The following CACNG5 variants were observed in gnomAD, a reference collection of about 807,000 sequenced individuals.
The protein encoded by CACNG5 is calcium voltage-gated channel auxiliary subunit gamma 5.
CACNG5 carries 18 observed loss-of-function variants against 24.8 expected under a neutral mutation model. The ratio of observed to expected loss-of-function variants is 0.73; its 90% CI spans 0.50 to 1.08. CACNG5 has a LOEUF of 1.08. CACNG5 is among the 50% of genes least tolerant of loss of function. The pLI, the probability that CACNG5 is intolerant of heterozygous loss-of-function variation, is 0.00. For missense variants in CACNG5, 349 were observed against 367.9 expected, an observed-to-expected ratio of 0.95 and a Z score of 0.42; for synonymous variants, 157 against 149.1, an observed-to-expected ratio of 1.05 and a Z score of -0.39.
intron 1 of CACNG5, among the ~76,000 whole-genome samples, chr17:66,869,612 C>G (rs1976975042): frequency 6.6e-6 from 1 of 152,132 alleles, no homozygotes; most frequent in African/African-American, 2.4e-5. Context: ...ATTCACTCCC[C>G]CATGTAGCTG....
At position 66,857,065 on chromosome 17, in the gene CACNG5, G is replaced by GTTTT. The variant is rs56153121; in HGVS notation, c.-103-20144_-103-20141dup. 1.1e-3 allele frequency among the ~76,000 whole-genome samples: 107 copies of GTTTT among 94,044 alleles called. 1 individual carries two copies. Among genetic ancestry groups the GTTTT allele is most frequent in the Non-Finnish European group, 1.4e-3 (69 of 49,862 alleles). 61.7% of individuals were successfully genotyped at this position (94,044 alleles called of 152,430 possible). A position where few individuals can be genotyped will look rare whatever the true frequency, so the allele number is the denominator to read the frequency against. On this transcript the variant is annotated intron_variant, in intron 1 of 5. Transcript: ENST00000533854. ...AACACATTTTTATTTCAATTTTTAA[G>GTTTT]TTTTTTTTTTTTTTTTTTTTTTTTG...
intron 1 of CACNG5, among the ~76,000 whole-genome samples, chr17:66,838,414 G>T (rs1976513525): frequency 6.6e-6 from 1 of 151,340 alleles, no homozygotes; most frequent in South Asian, 2.1e-4. Flanking sequence ...GCAAGCAGAA[G>T]GGGGGACAGA....
chr17:66,858,998 C>T (rs886668910), intron 1 of CACNG5, among the ~76,000 whole-genome samples: 49 of 152,186 alleles, frequency 3.2e-4, no homozygotes, highest in Admixed American at 2.7e-3. Flanking sequence ...AAGCGATGGC[C>T]TTTGCTGTGG....
In CACNG5 at chr17:66,890,260, G is replaced by A. The variant is rs1242922222; in HGVS notation, c.*5020G>A. 6.6e-6 allele frequency among the ~76,000 whole-genome samples: 1 copy of A among 152,220 alleles called. No homozygotes were observed. The highest frequency in any genetic ancestry group is 1.5e-5 in the Non-Finnish European group (1 of 68,034). On this transcript the variant is annotated 3_prime_UTR_variant, in exon 6 of 6. Transcript: ENST00000533854. Reference sequence around the variant, plus strand: ...GTGGCTGCTCCAGTGTGCCATAGAAGAGACGAGGCTCAGTGGTCACCACTA... The same window carrying A: ...GTGGCTGCTCCAGTGTGCCATAGAAAAGACGAGGCTCAGTGGTCACCACTA...
intron 1 of CACNG5, among the ~76,000 whole-genome samples, chr17:66,872,931 T>TAC (rs1977029653): frequency 6.6e-6 from 1 of 152,220 alleles, no homozygotes; most frequent in Admixed American, 6.5e-5. Context: ...CTGAGTGACC[T>TAC]ACTTTGGATT....
rs1022618307 is a variant in CACNG5 at position 66,891,923 on chromosome 17, A to G, written c.*6683A>G. On this transcript the variant is annotated 3_prime_UTR_variant, in exon 6 of 6. Transcript: ENST00000533854. Reference sequence around the variant, plus strand: ...AAAGCTTCCAGGCAATGTCAAGGCCATGATATGCTCTAGGCTCTAGGGGTT... The same window carrying G: ...AAAGCTTCCAGGCAATGTCAAGGCCGTGATATGCTCTAGGCTCTAGGGGTT... 6.6e-6 allele frequency among the ~76,000 whole-genome samples: 1 copy of G among 152,250 alleles called. No individual in the cohort carries two copies. The highest frequency in any genetic ancestry group is 1.5e-5 in the Non-Finnish European group (1 of 68,048).
chr17:66,870,590 A>AG (rs1976992409), intron 1 of CACNG5, among the ~76,000 whole-genome samples: 1 of 152,174 alleles, frequency 6.6e-6, no homozygotes, highest in Non-Finnish European at 1.5e-5. Context: ...TGGTGGTCCC[A>AG]GGGTGTCAGG....
chr17:66,875,196 G>C (rs549527174), intron 1 of CACNG5, among the ~76,000 whole-genome samples: 1 of 152,178 alleles, frequency 6.6e-6, no homozygotes, highest in East Asian at 1.9e-4. Flanking sequence ...GCAAGCACAG[G>C]GCTTATAGGC....
chr17:66,845,470 A>AAC (rs1555655152), intron 1 of CACNG5, among the ~76,000 whole-genome samples: 2 of 151,448 alleles, frequency 1.3e-5, no homozygotes, highest in African/African-American at 4.9e-5. Flanking sequence ...TTAAAAAAAA[A>AAC]AAACAAAAAA....
At chr17:66,836,069 G>A (rs72843329) in intron 1 of CACNG5, among the ~76,000 whole-genome samples, 9 of 152,336 alleles carry the variant, frequency 5.9e-5, no homozygotes, top group Admixed American at 2.0e-4. Flanking sequence ...CCTGGCTGGG[G>A]AGGAAAGAAG....
chr17:66,836,019 T>C (rs375883307), intron 1 of CACNG5, among the ~76,000 whole-genome samples: 126 of 152,332 alleles, frequency 8.3e-4, no homozygotes, highest in African/African-American at 2.8e-3. Flanking sequence ...AAATTATCAC[T>C]TCCTAGGACT....
In CACNG5 at chr17:66,877,241, C is replaced by A; in HGVS notation, c.-92C>A. ...CTTCGTCTTCTCAGAGCCGTGGGTA[C>A]TGCCACCTGCTCACCCACTCTCCCT... On this transcript the variant is annotated 5_prime_UTR_variant, in exon 2 of 6. It adds an upstream start codon to the 5' untranslated region. Coordinates refer to ENST00000533854, the MANE Select transcript of CACNG5 (RefSeq NM_145811.3). 9.3e-7 allele frequency: 1 copy of A among 1,074,370 alleles called. No individual in the cohort carries two copies. Among genetic ancestry groups the A allele is most frequent in the Non-Finnish European group, 1.4e-6 (1 of 729,978 alleles). The allele number at this position is 1,074,370 out of a possible 1,614,324, so 66.6% of individuals were successfully genotyped here. A position where few individuals can be genotyped will look rare whatever the true frequency, so the allele number is the denominator to read the frequency against.
In CACNG5 at chr17:66,880,740, G is replaced by A. The variant is rs746425224; in HGVS notation, c.424+43G>A. The stretch of plus-strand genomic sequence containing the variant: ...CTTTTCTTGCACCCTGGAATTTTTT[G>A]TTTTTTGTTTTTTGTTTTTGAGACA... On this transcript the variant is annotated intron_variant, in intron 4 of 5. Coordinates refer to ENST00000533854, the MANE Select transcript of CACNG5 (RefSeq NM_145811.3). The A allele has an allele frequency of 1.3e-5, 20 of 1,598,898 alleles. No individual in the cohort carries two copies. In the East Asian group the frequency reaches 4.3e-4, roughly 34 times the overall value.
At chr17:66,865,811 T>TG (rs1184341386) in intron 1 of CACNG5, among the ~76,000 whole-genome samples, 1 of 149,724 alleles carries the variant, frequency 6.7e-6, no homozygotes, top group African/African-American at 2.4e-5. Context: ...TTTTTTTTTT[T>TG]TTTGTATTTT....
At chr17:66,871,073 C>T (rs770969019) in intron 1 of CACNG5, among the ~76,000 whole-genome samples, 14 of 152,088 alleles carry the variant, frequency 9.2e-5, no homozygotes, top group Non-Finnish European at 1.8e-4. Context: ...GAGACAGGGC[C>T]CCCGCCTCTC....
At position 66,838,960 on chromosome 17, in the gene CACNG5, CTTTTTT is replaced by C. The variant is rs71160595; in HGVS notation, c.-104+3724_-104+3729del. On this transcript the variant is annotated intron_variant, in intron 1 of 5. Coordinates refer to ENST00000533854, the MANE Select transcript of CACNG5 (RefSeq NM_145811.3). ...GTAGCACCCCAGTCCCTCACCCATTCTTTTTTTTTTTTTTTTTTTGAGACAGAGTCT... is the reference window on the plus strand; with the variant it reads ...GTAGCACCCCAGTCCCTCACCCATTCTTTTTTTTTTTTTGAGACAGAGTCT... Among the ~76,000 whole-genome samples the C allele has an allele frequency of 3.4e-5, 3 of 88,098 alleles. No homozygotes were observed. In the East Asian group the frequency reaches 8.7e-4, roughly 26 times the overall value. The allele number at this position is 88,098 out of a possible 152,430, so 57.8% of individuals were successfully genotyped here.
chr17:66,845,422 C>A (rs1048397613), intron 1 of CACNG5, among the ~76,000 whole-genome samples: 1 of 150,580 alleles, frequency 6.6e-6, no homozygotes, highest in Admixed American at 6.6e-5. Context: ...AACAAACCTG[C>A]ACATTCTGCA....
At chr17:66,877,013 G>A (rs75768191) in intron 1 of CACNG5, among the ~76,000 whole-genome samples, 1 of 150,120 alleles carries the variant, frequency 6.7e-6, no homozygotes, top group African/African-American at 2.5e-5. Context: ...ATGAATGAAT[G>A]AATGGCAGTA....
intron 1 of CACNG5, among the ~76,000 whole-genome samples, chr17:66,858,690 C>G (rs1216945917): frequency 6.7e-6 from 1 of 150,124 alleles, no homozygotes; most frequent in East Asian, 2.0e-4. Flanking sequence ...TCCCTCCCCC[C>G]ACCTTCTCAC....
Sources: gnomAD v4.1 joint callset for allele counts (sites outside exome capture counted in the v4.1 genomes callset) on GRCh38, gnomAD v4.1.1 for gene constraint, MANE v1.5 for transcripts, NCBI Gene and HGNC (gene_info 2026-07-23, HGNC 2026-07-21) for gene names.